The following ARHGEF10 variants were observed in gnomAD, a reference collection of about 807,000 sequenced individuals.
ARHGEF10 encodes the protein Rho guanine nucleotide exchange factor 10, also known as Rho guanine nucleotide exchange factor (GEF) 10.
ARHGEF10 carries 140 observed loss-of-function variants against 147.4 expected under a neutral mutation model. The observed-to-expected ratio is 0.95, with a 90% CI of 0.83 to 1.09. The LOEUF (loss-of-function observed/expected upper bound fraction) is 1.09, where lower values mean the gene tolerates loss of function less well. ARHGEF10 is among the 50% of genes least tolerant of loss of function. The probability of loss-of-function intolerance (pLI) is 0.00; values close to 1 mark genes in which losing one functional copy is unlikely to be tolerated. For synonymous variants in ARHGEF10, 902 were observed against 695.8 expected, an observed-to-expected ratio of 1.30 and a Z score of -4.67; for missense variants, 2,222 against 1,752.7, an observed-to-expected ratio of 1.27 and a Z score of -4.78.
rs1033465482 is a variant in ARHGEF10 at position 1,864,833 on chromosome 8, G to A, written c.545+397G>A. Among the ~76,000 whole-genome samples the A allele has an allele frequency of 3.5e-4, 53 of 152,334 alleles. 1 individual carries two copies. The highest frequency in any genetic ancestry group is 1.2e-3 in the African/African-American group (51 of 41,574). ...CAGCAGCCACTAGAGCAGTGCTCTT[G>A]CCCCAGTTTAAACAGAGTTGTGCCA... On this transcript the variant is annotated intron_variant, in intron 5 of 28. Coordinates refer to ENST00000349830, the MANE Select transcript of ARHGEF10 (RefSeq NM_014629.4).
rs762212262 is a variant in ARHGEF10 at position 1,923,871 on chromosome 8, C to G, written c.2485C>G (p.Leu829Val). ...CAGCTTACAGATGGCCAAGCTCGCC[C>G]TAGGTAAGGCCTGGCTGGCTGAGGC... ...VNSLQMAKLA[L>V]EEENHMGWFC... The change falls in exon 21 of 29, where the codon CTA becomes GTA. Residue 829 changes from leucine (L) to valine (V), a missense_variant. By Grantham distance (32) the Leu-to-Val change is conservative. Coordinates refer to ENST00000349830, the MANE Select transcript of ARHGEF10 (RefSeq NM_014629.4). The G allele has an allele frequency of 3.7e-6, 6 of 1,613,896 alleles. No homozygotes were observed. The African/African-American group carries it at 6.7e-5, about 18-fold the overall frequency.
At chr8:1,867,941 AG>A (rs1389169297) in intron 6 of ARHGEF10, among the ~76,000 whole-genome samples, 1 of 152,248 alleles carries the variant, frequency 6.6e-6, no homozygotes, top group Non-Finnish European at 1.5e-5. Flanking sequence ...CTATTAAAGC[AG>A]GATCGTTACA....
At chr8:1,954,417 T>G (rs1227745685) in intron 28 of ARHGEF10, among the ~76,000 whole-genome samples, 1 of 152,040 alleles carries the variant, frequency 6.6e-6, no homozygotes, top group African/African-American at 2.4e-5. Context: ...ATTCAGATTT[T>G]GGATTTCAGA....
At chr8:1,909,699 G>C (rs900841715) in intron 18 of ARHGEF10, among the ~76,000 whole-genome samples, 1 of 152,168 alleles carries the variant, frequency 6.6e-6, no homozygotes, top group Admixed American at 6.5e-5. Context: ...CTTCGGGTTC[G>C]GGCCGTGCAC....
At chr8:1,945,734 C>T in intron 27 of ARHGEF10, 79 bp downstream of exon 27, 1 of 1,572,372 alleles carries the variant, frequency 6.4e-7, no homozygotes, top group South Asian at 1.1e-5. Flanking sequence ...TGTCAGCCCA[C>T]CTTAGCGCTT....
intron 1 of ARHGEF10, among the ~76,000 whole-genome samples, chr8:1,827,044 G>C (rs1802811595): frequency 6.6e-6 from 1 of 152,226 alleles, no homozygotes; most frequent in Non-Finnish European, 1.5e-5. Flanking sequence ...GCAGAGGCCG[G>C]TGACCAGCAG....
chr8:1,846,622 G>A (rs1042266527), intron 2 of ARHGEF10, among the ~76,000 whole-genome samples: 1 of 151,940 alleles, frequency 6.6e-6, no homozygotes, highest in African/African-American at 2.4e-5. Context: ...CTCTCACCCA[G>A]GCTGGAGTGA....
rs147974725 is a variant in ARHGEF10, at chr8:1,894,539, C to A, written c.1407C>A (p.Ser469=). 15 of 1,613,994 alleles carry A rather than the reference C, an allele frequency of 9.3e-6. No individual in the cohort carries two copies. The highest frequency in any genetic ancestry group is 1.2e-5 in the Non-Finnish European group (14 of 1,180,028). ...ALASRVSEWD[S]VEMIGDVFVA... ...CCAGCCGCGTTTCCGAGTGGGACTCCGTGGAAATGATAGGCGATGTCTTCG... is the reference window on the plus strand; with the variant it reads ...CCAGCCGCGTTTCCGAGTGGGACTCAGTGGAAATGATAGGCGATGTCTTCG... Residue 469 remains serine (S), a synonymous_variant, in exon 13 of 29, where the codon TCC becomes TCA. Transcript: ENST00000349830.
intron 1 of ARHGEF10, among the ~76,000 whole-genome samples, chr8:1,829,349 C>G (rs887395387): frequency 6.6e-6 from 1 of 152,244 alleles, no homozygotes; most frequent in Non-Finnish European, 1.5e-5. Flanking sequence ...CGGCATGGAA[C>G]CAGTGGGACG....
rs996984517 is a variant in ARHGEF10 at position 1,909,479 on chromosome 8, T to C, written c.2143+9T>C. ...TGCTAACGCGAAACCAAGTAAGTGA[T>C]GCTTTCTCTCACGTTCGTGCCGTGG... On this transcript the variant is annotated intron_variant, in intron 18 of 28. Coordinates refer to ENST00000349830, the MANE Select transcript of ARHGEF10 (RefSeq NM_014629.4). The C allele has an allele frequency of 7.4e-6, 12 of 1,613,748 alleles. No individual in the cohort carries two copies. The highest frequency in any genetic ancestry group is 1.0e-5 in the Non-Finnish European group (12 of 1,179,994).
chr8:1,840,971 A>G (rs933583351), intron 1 of ARHGEF10, among the ~76,000 whole-genome samples: 21 of 152,132 alleles, frequency 1.4e-4, no homozygotes, highest in Admixed American at 4.6e-4. Context: ...CCCGATGTGG[A>G]TCCTGTGACT....
At chr8:1,908,316 T>C (rs535361591) in intron 17 of ARHGEF10, among the ~76,000 whole-genome samples, 58 of 149,966 alleles carry the variant, frequency 3.9e-4, no homozygotes, top group African/African-American at 1.0e-3. Context: ...CTGCAAGCTC[T>C]GCCTCCCGGG....
At chr8:1,826,629 G>A (rs889246583) in intron 1 of ARHGEF10, among the ~76,000 whole-genome samples, 5 of 152,172 alleles carry the variant, frequency 3.3e-5, no homozygotes, top group African/African-American at 1.2e-4. Context: ...AAACAAAGAT[G>A]TTTGGCATAA....
chr8:1,898,473 G>A lies in ARHGEF10; in HGVS notation c.1598G>A (p.Ser533Asn), dbSNP rs1453276706. 6.2e-7 allele frequency: 1 copy of A among 1,614,152 alleles called. No individual in the cohort carries two copies. Among genetic ancestry groups the A allele is most frequent in the Non-Finnish European group, 8.5e-7 (1 of 1,180,028 alleles). The change falls in exon 15 of 29, where the codon AGC becomes AAC. Residue 533 changes from serine (S) to asparagine (N), a missense_variant. Physicochemically the swap from Ser to Asn is conservative, Grantham distance 46. Transcript: ENST00000349830. ...AGCCCCGATCGAACCACGCTCTACA[G>A]CCTGATGATGAAGCCCATCCAGAGG... ...EASPDRTTLY[S>N]LMMKPIQRFP...
chr8:1,951,452 T>C (rs1051557469), intron 27 of ARHGEF10, among the ~76,000 whole-genome samples: 1 of 152,236 alleles, frequency 6.6e-6, no homozygotes, highest in East Asian at 1.9e-4. Context: ...AAAAATAATA[T>C]GAATCGGCGT....
intron 19 of ARHGEF10, 111 bp downstream of exon 19, chr8:1,923,190 A>C: frequency 1.0e-6 from 1 of 953,522 alleles, no homozygotes; most frequent in East Asian, 2.5e-5. Context: ...TTTGACTTTA[A>C]AAATTAATCT....
In ARHGEF10 at chr8:1,854,549, G is replaced by A. The variant is rs951134655; in HGVS notation, c.38-3411G>A. Among the ~76,000 whole-genome samples, 14 of 140,398 alleles carry A rather than the reference G, an allele frequency of 1.0e-4. No individual in the cohort carries two copies. In the East Asian group the frequency reaches 2.7e-3, roughly 27 times the overall value. The allele number at this position is 140,398 out of a possible 152,430, so 92.1% of individuals were successfully genotyped here. ...CAGAGGATGGAGGGCAGCTCCGCCA[G>A]TGTCTGCCAGTCTTTCAATGACAGC... On this transcript the variant is annotated intron_variant, in intron 2 of 28. Transcript: ENST00000349830.
At chr8:1,849,084 C>T (rs1206565388) in intron 2 of ARHGEF10, among the ~76,000 whole-genome samples, 3 of 152,226 alleles carry the variant, frequency 2.0e-5, no homozygotes, top group South Asian at 2.1e-4. Flanking sequence ...CCGCTCCCCA[C>T]CCCGGGCAGA....
intron 27 of ARHGEF10, among the ~76,000 whole-genome samples, chr8:1,950,344 C>T (rs1003240149): frequency 2.0e-5 from 3 of 152,234 alleles, no homozygotes; most frequent in South Asian, 2.1e-4. Context: ...CGCATGACCT[C>T]GTGACTGTGG....
Sources: allele counts gnomAD v4.1 joint callset (sites outside exome capture counted in the v4.1 genomes callset), GRCh38; gene constraint gnomAD v4.1.1; transcripts MANE v1.5; gene names NCBI Gene and HGNC (gene_info 2026-07-23, HGNC 2026-07-21).